ANO4: variants seen among roughly 807,000 people sequenced by gnomAD.
The protein encoded by ANO4 is anoctamin 4, also known as anoctamin-4.
Under a neutral mutation model 141.9 loss-of-function variants are expected in ANO4, and 69 were observed. The ratio of observed to expected loss-of-function variants is 0.49; its 90% confidence interval spans 0.40 to 0.59. The LOEUF (loss-of-function observed/expected upper bound fraction) is 0.59, where lower values mean the gene tolerates loss of function less well. Among genes scored for constraint, ANO4 ranks in the 20% least tolerant of loss-of-function variants. The pLI is 0.00. For missense variants in ANO4, 894 were observed against 1,162.2 expected, an observed-to-expected ratio of 0.77 and a Z score of 3.36; for synonymous variants, 350 against 394.3, an observed-to-expected ratio of 0.89 and a Z score of 1.33.
At chr12:100,915,713 G>T (rs1389606470) in intron 2 of ANO4, among the ~76,000 whole-genome samples, 1 of 152,008 alleles carries the variant, frequency 6.6e-6, no homozygotes, top group African/African-American at 2.4e-5. Flanking sequence ...AACATGATGG[G>T]CCAAATTATT....
chr12:100,910,623 T>C (rs1451832194), intron 2 of ANO4, among the ~76,000 whole-genome samples: 3 of 151,952 alleles, frequency 2.0e-5, no homozygotes, highest in African/African-American at 7.3e-5. Flanking sequence ...CTGATTTTGA[T>C]TTTTTTGAGT....
chr12:101,037,484 A>G (rs2047244725), intron 10 of ANO4, among the ~76,000 whole-genome samples: 1 of 152,236 alleles, frequency 6.6e-6, no homozygotes, highest in Non-Finnish European at 1.5e-5. Context: ...TGTTCTTGAA[A>G]TATATAGTCT....
At position 101,091,628 on chromosome 12, in the gene ANO4, C is replaced by T. The variant is rs1444053876; in HGVS notation, c.1702-2628C>T. Among the ~76,000 whole-genome samples the T allele has an allele frequency of 2.0e-5, 3 of 152,072 alleles. No individual in the cohort carries two copies. The East Asian group carries it at 5.8e-4, about 29-fold the overall frequency. ...CCCAATATAGATTTTTTACAGCTGTCTATTGTTTTCAACTACTTAACATAT... is the reference window on the plus strand; with the variant it reads ...CCCAATATAGATTTTTTACAGCTGTTTATTGTTTTCAACTACTTAACATAT... On this transcript the variant is annotated intron_variant, in intron 17 of 27. Transcript: ENST00000392977.
At chr12:100,719,694 C>G (rs1455151546) in intron 1 of ANO4, among the ~76,000 whole-genome samples, 1 of 152,206 alleles carries the variant, frequency 6.6e-6, no homozygotes, top group Non-Finnish European at 1.5e-5. Context: ...TTTAGGTTCA[C>G]AAGATGAGAG....
rs186842129 is a variant in ANO4 at position 100,977,947 on chromosome 12, G to A, written c.602+3058G>A. ...CTCACGTGGGTTTATGTGCTTTTGC[G>A]TATAGTGGTCCTTCTGGAAGATCCT... On this transcript the variant is annotated intron_variant, in intron 7 of 27. Transcript: ENST00000392977. Among the ~76,000 whole-genome samples the A allele has an allele frequency of 1.8e-3, 276 of 152,272 alleles. 3 individuals are homozygous for A. The highest frequency in any genetic ancestry group is 6.2e-3 in the African/African-American group (257 of 41,546).
intron 25 of ANO4, among the ~76,000 whole-genome samples, chr12:101,118,270 CAG>C (rs768114809): frequency 1.3e-5 from 2 of 152,076 alleles, no homozygotes; most frequent in Non-Finnish European, 2.9e-5. Context: ...GATAAAAATA[CAG>C]AGTCTTTCTC....
In ANO4 at chr12:100,855,706, C is replaced by A. The variant is rs114784308; in HGVS notation, c.-140-45940C>A. On this transcript the variant is annotated intron_variant, in intron 1 of 27. Coordinates refer to ENST00000392977, the MANE Select transcript of ANO4 (RefSeq NM_001286615.2). ...AGGATGTTAAATTAAAAATTCTTAACCATGCATTGCCAATTTGACCTTTGA... is the reference window on the plus strand; with the variant it reads ...AGGATGTTAAATTAAAAATTCTTAAACATGCATTGCCAATTTGACCTTTGA... 4.9e-3 allele frequency among the ~76,000 whole-genome samples: 744 copies of A among 152,280 alleles called. 5 individuals are homozygous for A. Among genetic ancestry groups the A allele is most frequent in the African/African-American group, 0.017 (689 of 41,568 alleles).
intron 15 of ANO4, among the ~76,000 whole-genome samples, chr12:101,080,847 T>TA (rs1374568215): frequency 1.6e-5 from 2 of 128,298 alleles, no homozygotes; most frequent in East Asian, 4.3e-4. Flanking sequence ...TGTGTATATA[T>TA]ATTTTTTCTA....
chr12:101,122,164 A>G (rs140861579), intron 26 of ANO4, among the ~76,000 whole-genome samples: 5 of 152,002 alleles, frequency 3.3e-5, no homozygotes, highest in Non-Finnish European at 5.9e-5. Context: ...TTTTCATATT[A>G]TTGTTGTCTG....
Position 101,120,641 on chromosome 12 carries a change from C to T in ANO4, c.2676+16C>T. ...TGTCTTTGAGGTAAGTTTCCTCAGC[C>T]AAATTCTTTATTTCCTTTGACATAA... On this transcript the variant is annotated intron_variant, in intron 26 of 27. Transcript: ENST00000392977. The T allele has an allele frequency of 1.9e-6, 3 of 1,591,352 alleles. No individual in the cohort carries two copies. The highest frequency in any genetic ancestry group is 2.6e-6 in the Non-Finnish European group (3 of 1,159,586).
chr12:100,946,379 A>G (rs535286), intron 5 of ANO4, among the ~76,000 whole-genome samples: 122,767 of 152,100 alleles, frequency 0.81, 49,795 homozygotes, highest in African/African-American at 0.89. Context: ...GGGCAGAAGC[A>G]GGGAGAATAA....
intron 1 of ANO4, among the ~76,000 whole-genome samples, chr12:100,842,798 C>T (rs923771076): frequency 1.3e-5 from 2 of 152,048 alleles, no homozygotes; most frequent in Admixed American, 1.3e-4. Context: ...TTATAAGGCA[C>T]GAATTCCATC....
At chr12:100,833,373 C>G (rs2135781528) in intron 1 of ANO4, among the ~76,000 whole-genome samples, 1 of 152,134 alleles carries the variant, frequency 6.6e-6, no homozygotes, top group African/African-American at 2.4e-5. Flanking sequence ...AATAGATTAG[C>G]TTACTATTTT....
At chr12:100,820,486 C>T (rs1380230257) in intron 1 of ANO4, among the ~76,000 whole-genome samples, 2 of 151,946 alleles carry the variant, frequency 1.3e-5, no homozygotes, top group Admixed American at 1.3e-4. Flanking sequence ...TGTGGCATTA[C>T]TGTCTCAAGG....
intron 1 of ANO4, among the ~76,000 whole-genome samples, chr12:100,810,880 A>G (rs1216933745): frequency 1.3e-5 from 2 of 152,116 alleles, no homozygotes; most frequent in Non-Finnish European, 2.9e-5. Flanking sequence ...AACTTTTATT[A>G]TTTGTATACT....
intron 1 of ANO4, among the ~76,000 whole-genome samples, chr12:100,721,960 A>G (rs2030889064): frequency 6.6e-6 from 1 of 151,174 alleles, no homozygotes; most frequent in Non-Finnish European, 1.5e-5. Flanking sequence ...TGCTGGAATT[A>G]CAGGTGTGAG....
intron 3 of ANO4, among the ~76,000 whole-genome samples, chr12:100,932,268 G>C (rs553447436): frequency 6.6e-6 from 1 of 152,070 alleles, no homozygotes; most frequent in Non-Finnish European, 1.5e-5. Context: ...TTGGAAAATA[G>C]AGAAGTAAAG....
intron 2 of ANO4, chr12:100,733,949 A>AAAAT: frequency 1.6e-6 from 1 of 620,952 alleles, no homozygotes; most frequent in Non-Finnish European, 2.9e-6. Flanking sequence ...GAGAGGGAAG[A>AAAAT]AAATATAAAT....
intron 9 of ANO4, among the ~76,000 whole-genome samples, chr12:101,024,577 C>T (rs1173759144): frequency 6.7e-6 from 1 of 148,830 alleles, no homozygotes; most frequent in Admixed American, 6.7e-5. Context: ...GCCTGGGCAA[C>T]AGAGTGAGAC....
Sources: gnomAD v4.1 joint callset for allele counts (sites outside exome capture counted in the v4.1 genomes callset) on GRCh38, gnomAD v4.1.1 for gene constraint, MANE v1.5 for transcripts, NCBI Gene and HGNC (gene_info 2026-07-23, HGNC 2026-07-21) for gene names.